EIPR1: variants seen among roughly 807,000 people sequenced by gnomAD.
The protein encoded by EIPR1 is EARP and GARP complex-interacting protein 1.
EIPR1 carries 25 observed loss-of-function variants against 48.1 expected under a neutral mutation model. The observed-to-expected ratio is 0.52, with a 90% CI of 0.38 to 0.73. EIPR1 has a LOEUF of 0.73. EIPR1 is among the 30% of genes least tolerant of loss of function. The probability of loss-of-function intolerance (pLI) is 0.00; values close to 1 mark genes in which losing one functional copy is unlikely to be tolerated. For missense variants in EIPR1, 415 were observed against 506.2 expected, an observed-to-expected ratio of 0.82 and a Z score of 1.73; for synonymous variants, 204 against 201.9, an observed-to-expected ratio of 1.01 and a Z score of -0.09.
At chr2:3,299,880 G>A (rs940650906) in intron 3 of EIPR1, among the ~76,000 whole-genome samples, 7 of 152,236 alleles carry the variant, frequency 4.6e-5, no homozygotes, top group African/African-American at 1.7e-4. Context: ...ACTCACAGTC[G>A]AGTGATCCTG....
intron 1 of EIPR1, among the ~76,000 whole-genome samples, chr2:3,369,552 G>C (rs1040516909): frequency 1.3e-5 from 2 of 152,214 alleles, no homozygotes; most frequent in Non-Finnish European, 2.9e-5. Context: ...CTTTTCCGAC[G>C]GGCTTAGGAA....
At chr2:3,208,776 C>G in intron 5 of EIPR1, 5 of 1,548,582 alleles carry the variant, frequency 3.2e-6, no homozygotes, top group Non-Finnish European at 4.4e-6. Flanking sequence ...AGTCCTTCTT[C>G]CTTGAGTGAG....
intron 1 of EIPR1, among the ~76,000 whole-genome samples, chr2:3,357,957 C>T (rs1007643222): frequency 2.3e-4 from 35 of 152,282 alleles, no homozygotes; most frequent in African/African-American, 8.2e-4. Context: ...GGGTTTCTGA[C>T]TTACAGAACC....
rs561677582 is a variant in EIPR1, at chr2:3,332,519, G to T, written c.259+5498C>A. Among the ~76,000 whole-genome samples the T allele has an allele frequency of 5.3e-5, 8 of 152,242 alleles. No homozygotes were observed. The South Asian group carries it at 1.0e-3, about 20-fold the overall frequency. ...GTGTGTGGAGGCCTGCGTCCTCCTC[G>T]GAGGCCAGCCTGCCACCTGCCACCA... On this transcript the variant is annotated intron_variant, in intron 3 of 8. Coordinates refer to ENST00000382125, the MANE Select transcript of EIPR1 (RefSeq NM_003310.5).
At chr2:3,297,865 A>G (rs1345645969) in intron 3 of EIPR1, among the ~76,000 whole-genome samples, 1 of 152,192 alleles carries the variant, frequency 6.6e-6, no homozygotes, top group Non-Finnish European at 1.5e-5. Context: ...TCTGTCATCC[A>G]GGCTGGAGTG....
chr2:3,228,241 G>A (rs1395961371), intron 4 of EIPR1, among the ~76,000 whole-genome samples: 3 of 152,260 alleles, frequency 2.0e-5, no homozygotes, highest in South Asian at 2.1e-4. Flanking sequence ...CCCACCTCTT[G>A]CATCAGCATG....
At chr2:3,369,288 G>C (rs1365422123) in intron 1 of EIPR1, among the ~76,000 whole-genome samples, 1 of 152,214 alleles carries the variant, frequency 6.6e-6, no homozygotes, top group Non-Finnish European at 1.5e-5. Flanking sequence ...CTCCGGTCTA[G>C]AGCTCCCAGC....
At chr2:3,313,092 C>G (rs914028848) in intron 3 of EIPR1, among the ~76,000 whole-genome samples, 33 of 152,184 alleles carry the variant, frequency 2.2e-4, no homozygotes, top group Admixed American at 5.9e-4. Context: ...CCCAGTGACC[C>G]AATGAGGCTG....
At chr2:3,320,578 T>C (rs920598216) in intron 3 of EIPR1, 1 of 152,326 alleles carries the variant, frequency 6.6e-6, no homozygotes, top group Non-Finnish European at 1.5e-5. Context: ...TCACAGTTTA[T>C]GGTAAATAAG....
chr2:3,270,389 C>T (rs1667670311), intron 3 of EIPR1, among the ~76,000 whole-genome samples: 1 of 152,210 alleles, frequency 6.6e-6, no homozygotes, highest in African/African-American at 2.4e-5. Context: ...AGGTTCATTA[C>T]CTTTTCCTTT....
intron 4 of EIPR1, among the ~76,000 whole-genome samples, chr2:3,218,175 C>T (rs2103140347): frequency 6.6e-6 from 1 of 151,202 alleles, no homozygotes; most frequent in African/African-American, 2.4e-5. Context: ...CAGGTGGACA[C>T]CCAACACGGC....
At chr2:3,254,561 C>T (rs1572359883) in intron 4 of EIPR1, among the ~76,000 whole-genome samples, 2 of 152,300 alleles carry the variant, frequency 1.3e-5, no homozygotes, top group Admixed American at 1.3e-4. Context: ...GAAGCAGCAA[C>T]TCAACCTCCA....
intron 3 of EIPR1, among the ~76,000 whole-genome samples, chr2:3,284,869 A>G (rs1337030850): frequency 6.6e-6 from 1 of 152,096 alleles, no homozygotes; most frequent in Non-Finnish European, 1.5e-5. Flanking sequence ...CAGAGTGCAG[A>G]GGCCCCGGGG....
intron 2 of EIPR1, among the ~76,000 whole-genome samples, chr2:3,347,618 G>C (rs1012347196): frequency 1.3e-5 from 2 of 152,178 alleles, no homozygotes; most frequent in African/African-American, 4.8e-5. Context: ...GACTGATACA[G>C]GGTCAAACTG....
intron 4 of EIPR1, among the ~76,000 whole-genome samples, chr2:3,239,104 C>T (rs932360032): frequency 6.6e-6 from 1 of 152,192 alleles, no homozygotes; most frequent in Non-Finnish European, 1.5e-5. Flanking sequence ...TGGCTCTGCC[C>T]GGCCGCCTGC....
At chr2:3,295,096 CACAT>C (rs1415515575) in intron 3 of EIPR1, among the ~76,000 whole-genome samples, 3 of 142,248 alleles carry the variant, frequency 2.1e-5, no homozygotes, top group South Asian at 2.4e-4. Flanking sequence ...CCTCTTTCCA[CACAT>C]ACACCCTCCA....
At chr2:3,373,424 G>C (rs954968332) in intron 1 of EIPR1, among the ~76,000 whole-genome samples, 1 of 152,202 alleles carries the variant, frequency 6.6e-6, no homozygotes, top group African/African-American at 2.4e-5. Context: ...ATTAGGAAAA[G>C]AGGAAGTCAA....
At chr2:3,216,617 C>T (rs1011258359) in intron 4 of EIPR1, among the ~76,000 whole-genome samples, 14 of 152,206 alleles carry the variant, frequency 9.2e-5, no homozygotes, top group Non-Finnish European at 1.8e-4. Flanking sequence ...TTTAATAATG[C>T]ACAAACACTA....
At chr2:3,321,238 T>C (rs764433430) in intron 3 of EIPR1, among the ~76,000 whole-genome samples, 20 of 152,112 alleles carry the variant, frequency 1.3e-4, no homozygotes, top group Non-Finnish European at 2.5e-4. Context: ...AATTTAACTC[T>C]CACCTTTCCC....
Sources: gnomAD v4.1 joint callset for allele counts (sites outside exome capture counted in the v4.1 genomes callset) on GRCh38, gnomAD v4.1.1 for gene constraint, MANE v1.5 for transcripts, NCBI Gene and HGNC (gene_info 2026-07-23, HGNC 2026-07-21) for gene names.